The following SYNE1 variants were observed in gnomAD, a reference collection of about 807,000 sequenced individuals.
The protein encoded by SYNE1 is spectrin repeat containing nuclear envelope protein 1, also known as nesprin-1.
SYNE1 carries 616 observed loss-of-function variants against 1,111.0 expected under a neutral mutation model. The ratio of observed to expected loss-of-function variants is 0.55; its 90% confidence interval spans 0.52 to 0.59. SYNE1 has a LOEUF of 0.59. Ranked by LOEUF, SYNE1 falls within the 20% of genes least tolerant of loss-of-function variation. The pLI is 0.00. For missense variants in SYNE1, 10,006 were observed against 10,417.0 expected, an observed-to-expected ratio of 0.96 and a Z score of 1.72; for synonymous variants, 3,855 against 3,825.8, an observed-to-expected ratio of 1.01 and a Z score of -0.28.
chr6:152,133,907 G>A lies in SYNE1; in HGVS notation c.25789-419C>T, dbSNP rs80161830. The A allele has an allele frequency of 4.5e-3, 845 of 189,192 alleles. 15 individuals are homozygous for A. The highest frequency in any genetic ancestry group is 0.033 in the South Asian group (329 of 10,042). 11.7% of individuals were successfully genotyped at this position (189,192 alleles called of 1,614,324 possible). On this transcript the variant is annotated intron_variant, in intron 142 of 145. Coordinates refer to ENST00000367255, the MANE Select transcript of SYNE1 (RefSeq NM_182961.4). ...CTAGTCAAGATTTGAAAAAAAAAAG[G>A]GGTGATTCGTCATTCACAGCTTGAT...
rs1591549923 is a variant in SYNE1 at position 152,381,182 on chromosome 6, C to T, written c.8833G>A (p.Glu2945Lys). Residue 2945 changes from glutamate (E) to lysine (K), a missense_variant, in exon 56 of 146, where the codon GAG becomes AAG. Physicochemically the swap from Glu to Lys is moderately conservative, Grantham distance 56. Coordinates refer to ENST00000367255, the MANE Select transcript of SYNE1 (RefSeq NM_182961.4). Reference protein sequence around the residue: ...DSVFQTQSCLENLVSQMALSE... With the variant: ...DSVFQTQSCLKNLVSQMALSE... ...AGGGCCATCTGGCTGACCAGGTTCT[C>T]CAAACAGCTCTGCGTTTGGAATACA... 6.2e-7 allele frequency: 1 copy of T among 1,614,214 alleles called. No homozygotes were observed. Among genetic ancestry groups the T allele is most frequent in the Non-Finnish European group, 8.5e-7 (1 of 1,180,042 alleles).
Position 152,628,095 on chromosome 6 carries a change from T to G in SYNE1, c.67+170A>C, listed in dbSNP as rs9371620. On this transcript the variant is annotated intron_variant, in intron 3 of 145. Coordinates refer to ENST00000367255, the MANE Select transcript of SYNE1 (RefSeq NM_182961.4). ...TTATCTTTTCCTTCTATGTAATGAATACAGCATCTGAAGACAGCATGGCCC... is the reference window on the plus strand; with the variant it reads ...TTATCTTTTCCTTCTATGTAATGAAGACAGCATCTGAAGACAGCATGGCCC... Among the ~76,000 whole-genome samples the G allele has an allele frequency of 0.68, 100,280 of 148,560 alleles. 33,960 individuals are homozygous for G. The highest frequency in any genetic ancestry group is 0.71 in the Non-Finnish European group (47,547 of 67,428).
At chr6:152,585,250 CAATT>C (rs1382589559) in intron 3 of SYNE1, among the ~76,000 whole-genome samples, 1 of 152,188 alleles carries the variant, frequency 6.6e-6, no homozygotes, top group Admixed American at 6.5e-5. Flanking sequence ...AACTGTGAGT[CAATT>C]AAACTTCTTT....
chr6:152,442,167 G>T lies in SYNE1; in HGVS notation c.3916C>A (p.Leu1306Met), dbSNP rs1454797342. ...IAQAQQGEGGLPDRGHEELRK... is the reference protein window; with the variant it reads ...IAQAQQGEGGMPDRGHEELRK... ...AGCTCCTCGTGGCCTCGGTCAGGCAGCCCCCCTTCTCCCTGCTGCGCCTGC... is the reference window on the plus strand; with the variant it reads ...AGCTCCTCGTGGCCTCGGTCAGGCATCCCCCCTTCTCCCTGCTGCGCCTGC... The change falls in exon 31 of 146, where the codon CTG becomes ATG. Residue 1306 changes from leucine (L) to methionine (M), a missense_variant. Leu to Met is a conservative substitution (Grantham distance 15). Coordinates refer to ENST00000367255, the MANE Select transcript of SYNE1 (RefSeq NM_182961.4). The T allele has an allele frequency of 2.0e-5, 33 of 1,613,644 alleles. No homozygotes were observed. Among genetic ancestry groups the T allele is most frequent in the Non-Finnish European group, 2.7e-5 (32 of 1,180,050 alleles).
Position 152,181,511 on chromosome 6 carries a change from T to C in SYNE1, c.23302-1217A>G, listed in dbSNP as rs1253489418. Among the ~76,000 whole-genome samples, 3 of 152,196 alleles carry C rather than the reference T, an allele frequency of 2.0e-5. No homozygotes were observed. The East Asian group carries it at 5.8e-4, about 29-fold the overall frequency. ...TACCTCCCAGTTCTAATCTCCCTTCTGTCCCTGTGGATTTGCCTATTCTGG... is the reference window on the plus strand; with the variant it reads ...TACCTCCCAGTTCTAATCTCCCTTCCGTCCCTGTGGATTTGCCTATTCTGG... On this transcript the variant is annotated intron_variant, in intron 128 of 145. Coordinates refer to ENST00000367255, the MANE Select transcript of SYNE1 (RefSeq NM_182961.4).
Position 152,391,579 on chromosome 6 carries a change from G to GTAAAA in SYNE1, c.7713-12_7713-11insTTTTA. 2.3e-6 allele frequency: 2 copies of GTAAAA among 855,038 alleles called. No homozygotes were observed. Among genetic ancestry groups the GTAAAA allele is most frequent in the East Asian group, 5.2e-5 (1 of 19,150 alleles). The allele number at this position is 855,038 out of a possible 1,614,324, so 53.0% of individuals were successfully genotyped here. A position where few individuals can be genotyped will look rare whatever the true frequency, so the allele number is the denominator to read the frequency against. ...TTATCAAGAGACTCTCTGAAAAAAA[G>GTAAAA]GAAAAAAAAAAAAAAGAAAAAAAAT... On this transcript the variant is annotated splice_polypyrimidine_tract_variant and intron_variant, in intron 51 of 145. Transcript: ENST00000367255.
At chr6:152,514,258 G>C (rs1230196762) in intron 6 of SYNE1, among the ~76,000 whole-genome samples, 1 of 152,184 alleles carries the variant, frequency 6.6e-6, no homozygotes, top group Non-Finnish European at 1.5e-5. Flanking sequence ...ACTGGATAAG[G>C]AAAATGTGGC....
At chr6:152,134,940 A>T in intron 142 of SYNE1, 164 bp downstream of exon 142, 1 of 809,680 alleles carries the variant, frequency 1.2e-6, no homozygotes, top group Non-Finnish European at 1.9e-6. Flanking sequence ...TGTTTGCTTT[A>T]CAAAGATTGG....
chr6:152,577,886 G>C (rs1475386392), intron 3 of SYNE1, among the ~76,000 whole-genome samples: 1 of 151,726 alleles, frequency 6.6e-6, no homozygotes, highest in Non-Finnish European at 1.5e-5. Flanking sequence ...TATCCAACAG[G>C]CCTTACTTAG....
intron 77 of SYNE1, 117 bp from the exon 78 acceptor site, chr6:152,332,007 G>A (rs1482225860): frequency 2.0e-6 from 3 of 1,466,086 alleles, no homozygotes; most frequent in African/African-American, 2.8e-5. Context: ...TTTTGCTCTT[G>A]TTTCCCAGGC....
At chr6:152,404,096 A>T in intron 46 of SYNE1, 117 bp downstream of exon 46, 1 of 541,084 alleles carries the variant, frequency 1.8e-6, no homozygotes, top group Non-Finnish European at 3.1e-6. Context: ...CGAGATATAG[A>T]TATATGAGAT....
chr6:152,157,483 A>G (rs2061600639), intron 131 of SYNE1, among the ~76,000 whole-genome samples: 1 of 152,200 alleles, frequency 6.6e-6, no homozygotes, highest in Non-Finnish European at 1.5e-5. Flanking sequence ...GTTAGAGGGA[A>G]TAAGTCTTAA....
intron 106 of SYNE1, among the ~76,000 whole-genome samples, chr6:152,243,723 T>A (rs140666017): frequency 6.6e-6 from 1 of 152,332 alleles, no homozygotes; most frequent in East Asian, 1.9e-4. Flanking sequence ...AAGAAAGAAC[T>A]CACAACCCTG....
At chr6:152,273,805 C>A (rs2093392356) in intron 98 of SYNE1, among the ~76,000 whole-genome samples, 1 of 152,178 alleles carries the variant, frequency 6.6e-6, no homozygotes, top group Non-Finnish European at 1.5e-5. Flanking sequence ...TGCCAAGGGC[C>A]AGGCTGGGCC....
chr6:152,496,576 G>A (rs371931439), intron 11 of SYNE1, among the ~76,000 whole-genome samples: 39 of 151,982 alleles, frequency 2.6e-4, no homozygotes, highest in African/African-American at 8.9e-4. Flanking sequence ...ACAACCCCAC[G>A]ATATCACCCC....
At chr6:152,472,462 G>A (rs2098812046) in intron 14 of SYNE1, 49 bp from the exon 15 acceptor site, 1 of 1,535,004 alleles carries the variant, frequency 6.5e-7, no homozygotes, top group African/African-American at 1.4e-5. Flanking sequence ...ATGTTTCACA[G>A]AGGGCTAAGA....
chr6:152,377,460 T>C (rs2097302043), intron 56 of SYNE1, among the ~76,000 whole-genome samples: 1 of 150,458 alleles, frequency 6.6e-6, no homozygotes, highest in South Asian at 2.1e-4. Flanking sequence ...AATACAAAAA[T>C]TAGCCAGTTG....
intron 72 of SYNE1, among the ~76,000 whole-genome samples, chr6:152,348,874 C>T (rs1246949724): frequency 4.6e-5 from 7 of 151,900 alleles, no homozygotes; most frequent in East Asian, 1.9e-4. Flanking sequence ...GGTCTACAAA[C>T]AGCGCTGGGC....
chr6:152,169,439 G>A (rs199719706), intron 130 of SYNE1, among the ~76,000 whole-genome samples: 2 of 151,250 alleles, frequency 1.3e-5, no homozygotes, highest in East Asian at 3.9e-4. Flanking sequence ...GCGGGCACCT[G>A]TAGTCCCAGC....
Sources: allele counts gnomAD v4.1 joint callset (sites outside exome capture counted in the v4.1 genomes callset), GRCh38; gene constraint gnomAD v4.1.1; transcripts MANE v1.5; gene names NCBI Gene and HGNC (gene_info 2026-07-23, HGNC 2026-07-21).